Variants in GLIS3 observed in about 807,000 individuals in gnomAD.
GLIS3 encodes the protein GLIS family zinc finger 3.
GLIS3 carries 53 observed loss-of-function variants against 78.6 expected under a neutral mutation model. The ratio of observed to expected loss-of-function variants is 0.67; its 90% confidence interval spans 0.54 to 0.85. The LOEUF is 0.85. Among genes scored for constraint, GLIS3 ranks in the 40% least tolerant of loss-of-function variants. GLIS3 has a pLI of 0.00. For synonymous variants in GLIS3, 684 were observed against 509.9 expected (o/e 1.34, Z -4.60); for missense variants, 1,703 against 1,231.1 (o/e 1.38, Z -5.74).
intron 9 of GLIS3, among the ~76,000 whole-genome samples, chr9:3,850,204 C>G: frequency 6.6e-6 from 1 of 152,186 alleles, no homozygotes. Flanking sequence ...GAAAGGCTGG[C>G]TTACAGGTAC....
Position 4,117,864 on chromosome 9 carries a change from C to G in GLIS3, c.1614G>C (p.Trp538Cys). Reference protein sequence around the residue: ...QRKGEDFTCFWAGCPRRYKPF... With the variant: ...QRKGEDFTCFCAGCPRRYKPF... Reference sequence around the variant, plus strand: ...GCTTGTATCTTCGAGGGCAACCGGCCCAGAAGCAAGTGAAGTCCTCCCCTT... The same window carrying G: ...GCTTGTATCTTCGAGGGCAACCGGCGCAGAAGCAAGTGAAGTCCTCCCCTT... Residue 538 changes from tryptophan to cysteine, a missense_variant, in exon 4 of 11, where the codon TGG becomes TGC. Physicochemically the swap from Trp to Cys is radical, Grantham distance 215. Coordinates refer to ENST00000381971, the MANE Select transcript of GLIS3 (RefSeq NM_001042413.2). 1 of 1,614,112 alleles carries G rather than the reference C, an allele frequency of 6.2e-7. No homozygotes were observed. The highest frequency in any genetic ancestry group is 1.6e-4 in the Middle Eastern group (1 of 6,062).
intron 6 of GLIS3, among the ~76,000 whole-genome samples, chr9:3,930,672 G>A (rs1255237335): frequency 6.6e-6 from 1 of 152,068 alleles, no homozygotes; most frequent in Non-Finnish European, 1.5e-5. Flanking sequence ...GTCTAGATAG[G>A]GGACCGATAC....
chr9:4,059,961 T>C (rs1267780264), intron 4 of GLIS3, among the ~76,000 whole-genome samples: 1 of 152,112 alleles, frequency 6.6e-6, no homozygotes, highest in Admixed American at 6.6e-5. Flanking sequence ...TGAAGGTTCC[T>C]TGCAACTTTC....
chr9:4,454,973 C>G, the GLIS3 span, among the ~76,000 whole-genome samples: 1 of 152,126 alleles, frequency 6.6e-6, no homozygotes, highest in Non-Finnish European at 1.5e-5. Flanking sequence ...TACCATTTAT[C>G]TCCTCAAAAC....
At chr9:4,216,298 C>T (rs1474675717) in intron 2 of GLIS3, among the ~76,000 whole-genome samples, 1 of 151,892 alleles carries the variant, frequency 6.6e-6, no homozygotes, top group East Asian at 1.9e-4. Flanking sequence ...TGGTGAAACC[C>T]CGCCTCTACT....
At chr9:4,483,217 G>A in the GLIS3 span, among the ~76,000 whole-genome samples, 5 of 81,784 alleles carry the variant, frequency 6.1e-5, no homozygotes, top group South Asian at 7.0e-4. Context: ...GAGAAATGCC[G>A]TAAATTGGTT....
At chr9:3,932,742 T>C (rs1825694459) in intron 5 of GLIS3, 1 of 438,122 alleles carries the variant, frequency 2.3e-6, no homozygotes, top group South Asian at 1.9e-5. Flanking sequence ...CAAAACCTCT[T>C]GGGGCATTTT....
At chr9:3,957,737 C>T (rs374200683) in intron 4 of GLIS3, among the ~76,000 whole-genome samples, 3 of 152,186 alleles carry the variant, frequency 2.0e-5, no homozygotes, top group Admixed American at 1.3e-4. Flanking sequence ...ATTCCCAGTC[C>T]ATCTCAGATG....
rs759183029 is a variant in GLIS3, at chr9:4,117,860, C to T, written c.1618G>A (p.Gly540Ser). ...KGEDFTCFWA[G>S]CPRRYKPFNA... ...AAGGGCTTGTATCTTCGAGGGCAAC[C>T]GGCCCAGAAGCAAGTGAAGTCCTCC... The change falls in exon 4 of 11, where the codon GGT (glycine) becomes AGT (serine). Residue 540 changes from glycine (G) to serine (S), a missense_variant. Physicochemically the swap from Gly to Ser is moderately conservative, Grantham distance 56. Coordinates refer to ENST00000381971, the MANE Select transcript of GLIS3 (RefSeq NM_001042413.2). 3.7e-6 allele frequency: 6 copies of T among 1,614,008 alleles called. No individual in the cohort carries two copies. The highest frequency in any genetic ancestry group is 1.7e-5 in the Admixed American group (1 of 60,004).
At chr9:4,141,743 T>C (rs1042423485) in intron 2 of GLIS3, among the ~76,000 whole-genome samples, 2 of 152,224 alleles carry the variant, frequency 1.3e-5, no homozygotes, top group Admixed American at 1.3e-4. Flanking sequence ...AATATCTACC[T>C]TTTGGCTCAG....
intron 2 of GLIS3, among the ~76,000 whole-genome samples, chr9:4,319,105 G>C (rs939898841): frequency 6.6e-6 from 1 of 152,168 alleles, no homozygotes; most frequent in African/African-American, 2.4e-5. Flanking sequence ...GGGTAAAGGA[G>C]ACAAAATATA....
chr9:3,900,301 TA>T (rs914608084), intron 6 of GLIS3, among the ~76,000 whole-genome samples: 6 of 149,976 alleles, frequency 4.0e-5, no homozygotes, highest in African/African-American at 7.4e-5. Flanking sequence ...ATCAAAAACT[TA>T]AAAAAAAACA....
intron 2 of GLIS3, among the ~76,000 whole-genome samples, chr9:4,173,756 C>G (rs1816583209): frequency 6.6e-6 from 1 of 151,920 alleles, no homozygotes; most frequent in South Asian, 2.1e-4. Flanking sequence ...GCCACCATGC[C>G]CAGTAAGATT....
At chr9:4,079,033 C>A (rs978602629) in intron 4 of GLIS3, among the ~76,000 whole-genome samples, 1 of 152,136 alleles carries the variant, frequency 6.6e-6, no homozygotes, top group African/African-American at 2.4e-5. Flanking sequence ...CAAACTCTTC[C>A]AAGGTAAAAC....
chr9:3,942,738 C>A (rs1816019528), intron 4 of GLIS3, among the ~76,000 whole-genome samples: 1 of 152,170 alleles, frequency 6.6e-6, no homozygotes, highest in African/African-American at 2.4e-5. Context: ...GACCTGAGAT[C>A]CTGCATTTCT....
chr9:4,469,276 C>T, the GLIS3 span, among the ~76,000 whole-genome samples: 2 of 152,086 alleles, frequency 1.3e-5, no homozygotes, highest in Non-Finnish European at 2.9e-5. Context: ...CAGCTCTGCA[C>T]CAAGCAGACC....
chr9:4,302,029 A>G (rs1402243049), upstream of GLIS3, among the ~76,000 whole-genome samples: 1 of 150,192 alleles, frequency 6.7e-6, no homozygotes, highest in Non-Finnish European at 1.5e-5. Flanking sequence ...TAGATCTGCA[A>G]TGTTCTTATA....
At position 4,191,703 on chromosome 9, in the gene GLIS3, G is replaced by C. The variant is rs377064688; in HGVS notation, c.389-65762C>G. ...TTTTAATAAATATGTGTTAAATAAA[G>C]GGAATATTTAACAAACAAGTCAATT... On this transcript the variant is annotated intron_variant, in intron 2 of 10. Coordinates refer to ENST00000381971, the MANE Select transcript of GLIS3 (RefSeq NM_001042413.2). Among the ~76,000 whole-genome samples, 7 of 152,186 alleles carry C rather than the reference G, an allele frequency of 4.6e-5. 1 individual carries two copies. In the East Asian group the frequency reaches 7.7e-4, roughly 17 times the overall value.
At chr9:4,444,156 G>A in the GLIS3 span, among the ~76,000 whole-genome samples, 2 of 152,170 alleles carry the variant, frequency 1.3e-5, no homozygotes, top group Non-Finnish European at 2.9e-5. Context: ...TTTGAAATGT[G>A]ATCCAGTTTT....
Sources: gnomAD v4.1 joint callset for allele counts (sites outside exome capture counted in the v4.1 genomes callset) on GRCh38, gnomAD v4.1.1 for gene constraint, MANE v1.5 for transcripts, NCBI Gene and HGNC (gene_info 2026-07-23, HGNC 2026-07-21) for gene names.